Variants in TRPM5 observed in about 807,000 individuals in gnomAD.
TRPM5 encodes the protein transient receptor potential cation channel subfamily M member 5.
A neutral mutation model predicts 124.9 loss-of-function variants in TRPM5; 121 were observed. The observed-to-expected ratio is 0.97, with a 90% CI of 0.84 to 1.13. The LOEUF (loss-of-function observed/expected upper bound fraction) is 1.13, where lower values mean the gene tolerates loss of function less well. Ranked by LOEUF, TRPM5 falls within the 50% of genes most tolerant of loss-of-function variation. The pLI is 0.00. For missense variants in TRPM5, 1,643 were observed against 1,589.1 expected (o/e 1.03, Z -0.58); for synonymous variants, 781 against 700.5 (o/e 1.11, Z -1.81).
At chr11:2,434,055 C>G in the TRPM5 span, among the ~76,000 whole-genome samples, 2 of 139,026 alleles carry the variant, frequency 1.4e-5, no homozygotes, top group Admixed American at 1.4e-4. Context: ...ACGCAGTGTG[C>G]GCGTGCATGT....
chr11:2,430,841 T>TTTGGTGGTGGTGATGGAGGTGGTG, the TRPM5 span, among the ~76,000 whole-genome samples: 1 of 95,678 alleles, frequency 1.0e-5, no homozygotes, highest in African/African-American at 4.1e-5. Flanking sequence ...TGGTGGTGGT[T>TTTGGTGGTGGTGATGGAGGTGGTG]TTGGTGGTGG....
chr11:2,408,278 G>A (rs1003178632), intron 18 of TRPM5, among the ~76,000 whole-genome samples: 22 of 152,168 alleles, frequency 1.4e-4, no homozygotes, highest in Non-Finnish European at 2.9e-4. Context: ...CCTGGTTGTT[G>A]GATGTGTTAA....
the TRPM5 span, among the ~76,000 whole-genome samples, chr11:2,432,012 A>T: frequency 6.6e-6 from 1 of 152,182 alleles, no homozygotes; most frequent in African/African-American, 2.4e-5. Flanking sequence ...CTGTGTGAGC[A>T]CTGCCATCAA....
At chr11:2,420,197 C>T (rs770341716) in intron 4 of TRPM5, 25 bp downstream of exon 9, 8 of 1,568,976 alleles carry the variant, frequency 5.1e-6, no homozygotes, top group Middle Eastern at 2.1e-4. Context: ...CCAAGGCTTC[C>T]CTGGGTGGCT....
chr11:2,421,098 A>T (rs758369070), exon 3 of TRPM5: 10 of 1,549,412 alleles, frequency 6.5e-6, no homozygotes, highest in Non-Finnish European at 8.7e-6. Context: ...CAGCAACCAC[A>T]CGGACCTTGG....
At chr11:2,412,050 A>T in intron 16 of TRPM5, 85 bp downstream of exon 21, 1 of 1,222,722 alleles carries the variant, frequency 8.2e-7, no homozygotes, top group Non-Finnish European at 1.2e-6. Context: ...CACAAGTGCC[A>T]CCGCCACACC....
chr11:2,420,278 G>T, exon 4 of TRPM5: 1 of 1,612,008 alleles, frequency 6.2e-7, no homozygotes, highest in Non-Finnish European at 8.5e-7. Flanking sequence ...CCGCAGCTCC[G>T]TCAGCCCATC....
chr11:2,405,633 C>T lies in TRPM5; in HGVS notation c.3325-40G>A, dbSNP rs1297600874. 5 of 1,548,570 alleles carry T rather than the reference C, an allele frequency of 3.2e-6. No individual in the cohort carries two copies. The East Asian group carries it at 9.7e-5, about 30-fold the overall frequency. On this transcript the variant is annotated intron_variant, in intron 22 of 23. Transcript: ENST00000155858. Reference sequence around the variant, plus strand: ...CACGTCCGGGAAGCTCCAGGGCTCTCTCAGGACAGCAGGGGACAGGCAGCC... The same window carrying T: ...CACGTCCGGGAAGCTCCAGGGCTCTTTCAGGACAGCAGGGGACAGGCAGCC...
At chr11:2,443,823 A>ACCC in the TRPM5 span, among the ~76,000 whole-genome samples, 4 of 99,300 alleles carry the variant, frequency 4.0e-5, no homozygotes, top group African/African-American at 1.0e-4. This position sits in a 1 kb window ranked among gnomAD's most constrained non-coding sequence, Gnocchi z 5.0. Flanking sequence ...GCTGCCCCCC[A>ACCC]CCCCCCCCCC....
the TRPM5 span, among the ~76,000 whole-genome samples, chr11:2,435,319 T>C: frequency 6.6e-6 from 1 of 152,032 alleles, no homozygotes; most frequent in Admixed American, 6.6e-5. The surrounding 1 kb of genome is among the most constrained non-coding windows in gnomAD (Gnocchi z 4.1). Context: ...TCTGTGCAAA[T>C]AACTGGACGA....
chr11:2,425,629 A>AGTCCTCACCCTGGGTGGGG (rs1554956525), upstream of TRPM5, among the ~76,000 whole-genome samples: 67 of 150,760 alleles, frequency 4.4e-4, no homozygotes, highest in African/African-American at 1.4e-3. Context: ...CCTGGGCGGG[A>AGTCCTCACCCTGGGTGGGG]GTCCTCACCC....
At chr11:2,413,698 T>TGCCCA (rs1276335223) in intron 12 of TRPM5, 110 bp from the exon 18 acceptor site, 4 of 1,033,770 alleles carry the variant, frequency 3.9e-6, no homozygotes, top group Admixed American at 4.7e-5. Flanking sequence ...GCTGAAGGGG[T>TGCCCA]GCCCAGCCCA....
At chr11:2,416,541 A>G (rs938868916) in intron 7 of TRPM5, among the ~76,000 whole-genome samples, 1 of 152,124 alleles carries the variant, frequency 6.6e-6, no homozygotes, top group Non-Finnish European at 1.5e-5. Flanking sequence ...CTCCACAACC[A>G]TGGACCCCGT....
the TRPM5 span, among the ~76,000 whole-genome samples, chr11:2,439,150 T>A: frequency 6.6e-6 from 1 of 152,252 alleles, no homozygotes; most frequent in Non-Finnish European, 1.5e-5. Context: ...ACTGGACCCC[T>A]AATTTTCACC....
At chr11:2,406,595 G>A (rs1330475176) in intron 21 of TRPM5, 66 bp downstream of exon 26, 22 of 1,531,068 alleles carry the variant, frequency 1.4e-5, no homozygotes, top group East Asian at 1.1e-4. Context: ...TGTCACTGGC[G>A]CCAATGGCAC....
intron 3 of TRPM5, 44 bp downstream of exon 8, chr11:2,420,988 C>A: frequency 6.6e-7 from 1 of 1,505,554 alleles, no homozygotes; most frequent in Non-Finnish European, 8.8e-7. Context: ...GAGCCCCTGC[C>A]TCCAGGCCCC....
intron 23 of TRPM5, 131 bp from the exon 29 acceptor site, chr11:2,405,174 G>A: frequency 1.4e-6 from 1 of 701,060 alleles, no homozygotes; most frequent in South Asian, 1.8e-5. Context: ...AGGCCAGCCT[G>A]GGGAAGATGG....
At position 2,415,048 on chromosome 11, in the gene TRPM5, C is replaced by T; in HGVS notation, c.1480-1G>A. ...TGGGCCGCTTGGCCGGGCCCTTCTC[C>T]TGGAGGACACGGGCGTCGGCCTCCT... On this transcript the variant is annotated splice_acceptor_variant, in intron 9 of 23. Transcript: ENST00000155858. LOFTEE classifies it high-confidence loss of function. 1.2e-6 allele frequency: 2 copies of T among 1,600,256 alleles called. No individual in the cohort carries two copies. Among genetic ancestry groups the T allele is most frequent in the Non-Finnish European group, 1.7e-6 (2 of 1,178,782 alleles).
intron 21 of TRPM5, 42 bp downstream of exon 26, chr11:2,406,615 TAAAG>T (rs1850327751): frequency 6.4e-6 from 10 of 1,553,322 alleles, no homozygotes; most frequent in Non-Finnish European, 7.0e-6. Context: ...CATCCCCGCT[TAAAG>T]ACAGCCCGAT....
Sources: gnomAD v4.1 joint callset for allele counts (sites outside exome capture counted in the v4.1 genomes callset) on GRCh38, gnomAD v4.1.1 for gene constraint, Gnocchi (gnomAD v3.1) non-coding constraint, MANE v1.5 for transcripts, NCBI Gene and HGNC (gene_info 2026-07-23, HGNC 2026-07-21) for gene names.